The following GRIN2B variants were observed in gnomAD, a reference collection of about 807,000 sequenced individuals.
GRIN2B encodes the protein glutamate ionotropic receptor NMDA type subunit 2B, also known as glutamate receptor ionotropic, NMDA 2B.
A neutral mutation model predicts 114.5 loss-of-function variants in GRIN2B; 5 were observed. The observed-to-expected ratio is 0.04, with a 90% CI of 0.02 to 0.09. The LOEUF is 0.09. Ranked by LOEUF, GRIN2B falls within the 10% of genes least tolerant of loss-of-function variation. The probability of loss-of-function intolerance (pLI) is 1.00; values close to 1 mark genes in which losing one functional copy is unlikely to be tolerated. For missense variants in GRIN2B, 1,108 were observed against 1,943.5 expected, an observed-to-expected ratio of 0.57 and a Z score of 8.08; for synonymous variants, 787 against 745.1, an observed-to-expected ratio of 1.06 and a Z score of -0.92.
At chr12:13,715,103 T>C (rs1246082355) in intron 4 of GRIN2B, among the ~76,000 whole-genome samples, 5 of 151,870 alleles carry the variant, frequency 3.3e-5, no homozygotes, top group African/African-American at 9.7e-5. Context: ...GTGATAGTTA[T>C]GACGATGATG....
chr12:13,576,791 G>A (rs1948783114), intron 10 of GRIN2B, among the ~76,000 whole-genome samples: 2 of 152,156 alleles, frequency 1.3e-5, no homozygotes, highest in Admixed American at 6.5e-5. Flanking sequence ...GGCCTCAAGC[G>A]ATCCGCTCTG....
intron 3 of GRIN2B, among the ~76,000 whole-genome samples, chr12:13,808,743 T>TAAA (rs61197260): frequency 0.011 from 1,249 of 115,008 alleles, 27 homozygotes; most frequent in African/African-American, 0.036. Flanking sequence ...TAAAGTATAA[T>TAAA]AAAAAAAAAA....
At chr12:13,783,452 G>GTTTTGTTTTGTTTTGTTTTGTTT (rs1864159493) in intron 3 of GRIN2B, among the ~76,000 whole-genome samples, 6 of 152,280 alleles carry the variant, frequency 3.9e-5, no homozygotes, top group African/African-American at 1.4e-4. Context: ...GTTTTGTTTT[G>GTTTTGTTTTGTTTTGTTTTGTTT]TTTTTTGAAA....
intron 3 of GRIN2B, among the ~76,000 whole-genome samples, chr12:13,841,189 C>G (rs1232824059): frequency 6.6e-6 from 1 of 152,158 alleles, no homozygotes; most frequent in Non-Finnish European, 1.5e-5. Context: ...ATGCAATTCT[C>G]ATTGTATGGC....
At chr12:13,749,073 C>T (rs1253105537) in intron 4 of GRIN2B, among the ~76,000 whole-genome samples, 1 of 152,198 alleles carries the variant, frequency 6.6e-6, no homozygotes, top group Non-Finnish European at 1.5e-5. Context: ...AAGAAGTTAT[C>T]AGTGAGGAAT....
At chr12:13,597,278 G>A (rs1477672591) in intron 10 of GRIN2B, among the ~76,000 whole-genome samples, 2 of 152,176 alleles carry the variant, frequency 1.3e-5, no homozygotes, top group Non-Finnish European at 2.9e-5. Context: ...AATTTGCACT[G>A]ACTTCCCAAA....
At chr12:13,613,543 C>A (rs1468888028) in intron 8 of GRIN2B, among the ~76,000 whole-genome samples, 1 of 151,988 alleles carries the variant, frequency 6.6e-6, no homozygotes, top group African/African-American at 2.4e-5. Context: ...TGCTCTTTGT[C>A]CCCCCATGCT....
intron 3 of GRIN2B, among the ~76,000 whole-genome samples, chr12:13,852,907 C>T (rs1865596282): frequency 6.6e-6 from 1 of 152,116 alleles, no homozygotes. Flanking sequence ...ATACCTCAGG[C>T]CCTATATCAG....
intron 5 of GRIN2B, among the ~76,000 whole-genome samples, chr12:13,623,505 T>C (rs760276183): frequency 2.2e-4 from 34 of 152,188 alleles, no homozygotes; most frequent in Non-Finnish European, 4.4e-4. Context: ...TGAAACACAA[T>C]ATCTTCCTGC....
intron 2 of GRIN2B, among the ~76,000 whole-genome samples, chr12:13,925,838 C>T (rs973600150): frequency 2.6e-5 from 4 of 152,076 alleles, no homozygotes; most frequent in Non-Finnish European, 4.4e-5. Context: ...ATAAGTACTG[C>T]GAATGACCTA....
intron 3 of GRIN2B, among the ~76,000 whole-genome samples, chr12:13,817,393 A>C (rs1045578951): frequency 6.6e-6 from 1 of 152,208 alleles, no homozygotes; most frequent in African/African-American, 2.4e-5. Context: ...GGAACTCGAC[A>C]GGGCATATCA....
At chr12:13,880,469 C>G (rs1177110569) in intron 2 of GRIN2B, among the ~76,000 whole-genome samples, 2 of 152,120 alleles carry the variant, frequency 1.3e-5, no homozygotes, top group East Asian at 3.9e-4. Context: ...GAACAGATCT[C>G]CCATCGCTAA....
At chr12:13,770,792 G>A (rs557691391) in intron 3 of GRIN2B, among the ~76,000 whole-genome samples, 33 of 152,128 alleles carry the variant, frequency 2.2e-4, no homozygotes, top group Non-Finnish European at 4.0e-4. Context: ...AATTTATTAT[G>A]AGGATATATG....
chr12:13,625,868 AC>A (rs1949560075), intron 5 of GRIN2B, among the ~76,000 whole-genome samples: 1 of 152,046 alleles, frequency 6.6e-6, no homozygotes, highest in Non-Finnish European at 1.5e-5. Context: ...CTCGTCATAA[AC>A]CCCTCCCTGG....
chr12:13,676,430 G>A (rs1380515293), intron 4 of GRIN2B, among the ~76,000 whole-genome samples: 2 of 152,112 alleles, frequency 1.3e-5, no homozygotes, highest in Non-Finnish European at 2.9e-5. Context: ...CAGCCTTTTT[G>A]AGCCTCTGTG....
In GRIN2B at chr12:13,669,450, A is replaced by G. The variant is rs370370299; in HGVS notation, c.1125+6295T>C. On this transcript the variant is annotated intron_variant, in intron 5 of 13. Coordinates refer to ENST00000609686, the MANE Select transcript of GRIN2B (RefSeq NM_000834.5). ...ATTAGTACTCAGTTCAAAGTCAGTA[A>G]AAATAGCATGTTGTCAAACGGTGGT... Among the ~76,000 whole-genome samples, 12 of 152,222 alleles carry G rather than the reference A, an allele frequency of 7.9e-5. No individual in the cohort carries two copies. In the East Asian group the frequency reaches 1.6e-3, roughly 20 times the overall value.
At chr12:13,892,711 A>G (rs1866284142) in intron 2 of GRIN2B, among the ~76,000 whole-genome samples, 1 of 152,228 alleles carries the variant, frequency 6.6e-6, no homozygotes. Flanking sequence ...TTTGTGGTAT[A>G]TGAGAATAAC....
intron 3 of GRIN2B, among the ~76,000 whole-genome samples, chr12:13,791,054 AG>A (rs1283812580): frequency 6.6e-6 from 1 of 152,200 alleles, no homozygotes; most frequent in Non-Finnish European, 1.5e-5. Context: ...GGCAGCCCTC[AG>A]GGTGGCCTTC....
At chr12:13,855,156 T>C (rs1865638777) in intron 3 of GRIN2B, among the ~76,000 whole-genome samples, 1 of 151,724 alleles carries the variant, frequency 6.6e-6, no homozygotes, top group Non-Finnish European at 1.5e-5. Flanking sequence ...AGGCAAAGGC[T>C]TCAGTGAGCC....
Sources: gnomAD v4.1 joint callset for allele counts (sites outside exome capture counted in the v4.1 genomes callset) on GRCh38, gnomAD v4.1.1 for gene constraint, MANE v1.5 for transcripts, NCBI Gene and HGNC (gene_info 2026-07-23, HGNC 2026-07-21) for gene names.